ZNF227: variants seen among roughly 807,000 people sequenced by gnomAD.
ZNF227 encodes the protein zinc finger protein 227.
A neutral mutation model predicts 13.2 loss-of-function variants in ZNF227; 12 were observed. That is an observed-to-expected ratio of 0.91 (90% CI 0.58 to 1.47). The LOEUF is 1.47. Among genes scored for constraint, ZNF227 ranks in the 40% most tolerant of loss-of-function variants. ZNF227 has a pLI of 0.00. For missense variants in ZNF227, 885 were observed against 967.5 expected (o/e 0.91, Z 1.13); for synonymous variants, 338 against 326.0 (o/e 1.04, Z -0.40).
At chr19:44,229,914 C>CCAGGTGAAAGA in intron 5 of ZNF227, 98 bp downstream of exon 5, 1 of 734,824 alleles carries the variant, frequency 1.4e-6, no homozygotes, top group Non-Finnish European at 2.0e-6. Flanking sequence ...GTGTTAAAAT[C>CCAGGTGAAAGA]TTTCACCTGG....
rs576621281 is a variant in ZNF227, at chr19:44,236,892, A to G, written c.*62A>G. 9 of 1,397,500 alleles carry G rather than the reference A, an allele frequency of 6.4e-6. No individual in the cohort carries two copies. The highest frequency in any genetic ancestry group is 1.4e-5 in the African/African-American group (1 of 69,388). The allele number at this position is 1,397,500 out of a possible 1,614,324, so 86.6% of individuals were successfully genotyped here. On this transcript the variant is annotated 3_prime_UTR_variant, in exon 6 of 6. Coordinates refer to ENST00000313040, the MANE Select transcript of ZNF227 (RefSeq NM_182490.3). ...ACATCTTCAAGTTTTTGGCTAGTCC[A>G]TGCTGGTGGTAAACCCTGTAAAACT...
chr19:44,211,552 G>A (rs1401698810), upstream of ZNF227, among the ~76,000 whole-genome samples: 1 of 152,206 alleles, frequency 6.6e-6, no homozygotes, highest in Non-Finnish European at 1.5e-5. Flanking sequence ...GAAACTCCTT[G>A]AGGAATGATT....
chr19:44,221,908 A>C (rs542017049), intron 3 of ZNF227, among the ~76,000 whole-genome samples: 2,545 of 152,282 alleles, frequency 0.017, 33 homozygotes, highest in Non-Finnish European at 0.028. Flanking sequence ...CTAATGTTTA[A>C]GTCTTTAATC....
Position 44,235,027 on chromosome 19 carries a change from T to G in ZNF227, c.597T>G (p.Asn199Lys). Residue 199 changes from asparagine (N) to lysine (K), a missense_variant, in exon 6 of 6, where the codon AAT (asparagine) becomes AAG (lysine). Asn to Lys is a moderately conservative substitution (Grantham distance 94). Coordinates refer to ENST00000313040, the MANE Select transcript of ZNF227 (RefSeq NM_182490.3). ...QSRGKQIDVK[N>K]NLQIHEDFMK... Reference sequence around the variant, plus strand: ...GAGGTAAGCAAATTGATGTGAAAAATAACCTGCAAATACATGAAGACTTCA... The same window carrying G: ...GAGGTAAGCAAATTGATGTGAAAAAGAACCTGCAAATACATGAAGACTTCA... 6.2e-7 allele frequency: 1 copy of G among 1,614,050 alleles called. No homozygotes were observed. Among genetic ancestry groups the G allele is most frequent in the Non-Finnish European group, 8.5e-7 (1 of 1,180,016 alleles).
intron 5 of ZNF227, among the ~76,000 whole-genome samples, chr19:44,230,926 A>AATATATATATATAT (rs58952117): frequency 2.3e-4 from 16 of 68,104 alleles, no homozygotes; most frequent in African/African-American, 1.6e-3. Context: ...AAAAAAAAAA[A>AATATATATATATAT]ATATATATAT....
At chr19:44,217,352 T>C (rs1295591854) in intron 2 of ZNF227, 1 of 447,890 alleles carries the variant, frequency 2.2e-6, no homozygotes, top group Non-Finnish European at 4.5e-6. Flanking sequence ...ATCTACTTAT[T>C]TAATCCTTGG....
intron 2 of ZNF227, among the ~76,000 whole-genome samples, chr19:44,215,634 A>G (rs890845578): frequency 1.4e-4 from 22 of 151,926 alleles, no homozygotes; most frequent in Non-Finnish European, 1.0e-4. Context: ...TTCTTAGCAA[A>G]TACTAAACTT....
At chr19:44,229,142 C>T (rs930856978) in intron 4 of ZNF227, 1 of 152,828 alleles carries the variant, frequency 6.5e-6, no homozygotes, top group Non-Finnish European at 1.5e-5. Flanking sequence ...GAACTGCTCA[C>T]ATTGCAACAA....
rs1307299647 is a variant in ZNF227, at chr19:44,235,733, C to T, written c.1303C>T (p.Pro435Ser). 2.5e-6 allele frequency: 4 copies of T among 1,614,040 alleles called. No individual in the cohort carries two copies. Among genetic ancestry groups the T allele is most frequent in the Non-Finnish European group, 1.7e-6 (2 of 1,180,012 alleles). The stretch of plus-strand genomic sequence containing the variant: ...TCAGAGAGTCCACACTGGAGAGAAA[C>T]CCTACAAGTGTGATGTGTGTGGTAA... ...IHQRVHTGEK[P>S]YKCDVCGKGF... The change falls in exon 6 of 6, where the codon CCC becomes TCC. Residue 435 changes from proline (P) to serine (S), a missense_variant. Physicochemically the swap from Pro to Ser is moderately conservative, Grantham distance 74. Coordinates refer to ENST00000313040, the MANE Select transcript of ZNF227 (RefSeq NM_182490.3).
At position 44,228,890 on chromosome 19, in the gene ZNF227, C is replaced by T. The variant is rs1973480667; in HGVS notation, c.187+318C>T. The T allele has an allele frequency of 7.6e-6, 3 of 395,512 alleles. No homozygotes were observed. In the Admixed American group the frequency reaches 1.3e-4, roughly 17 times the overall value. 24.5% of individuals were successfully genotyped at this position (395,512 alleles called of 1,614,324 possible). On this transcript the variant is annotated intron_variant, in intron 4 of 5. Coordinates refer to ENST00000313040, the MANE Select transcript of ZNF227 (RefSeq NM_182490.3). Reference sequence around the variant, plus strand: ...AGTATCCAGGAATTCTGCAAAATCTCCTACAGTGCACAGGACAGTGCCCCC... The same window carrying T: ...AGTATCCAGGAATTCTGCAAAATCTTCTACAGTGCACAGGACAGTGCCCCC...
rs549553087 is a variant in ZNF227, at chr19:44,226,483, C to T, written c.61-1963C>T. 3.4e-3 allele frequency among the ~76,000 whole-genome samples: 511 copies of T among 152,330 alleles called. 3 individuals are homozygous for T. The highest frequency in any genetic ancestry group is 0.011 in the African/African-American group (469 of 41,582). ...CTAATCAAGCCTGGGCAATGGCAGGCGCCCTCCCCCAGCCTCGCTGCCTCC... is the reference window on the plus strand; with the variant it reads ...CTAATCAAGCCTGGGCAATGGCAGGTGCCCTCCCCCAGCCTCGCTGCCTCC... On this transcript the variant is annotated intron_variant, in intron 3 of 5. Transcript: ENST00000313040.
At chr19:44,224,996 G>A (rs1404135244) in intron 3 of ZNF227, among the ~76,000 whole-genome samples, 1 of 151,994 alleles carries the variant, frequency 6.6e-6, no homozygotes, top group Non-Finnish European at 1.5e-5. Flanking sequence ...TTGCTTGTCT[G>A]TAAAGTATTT....
chr19:44,225,091 T>C (rs551027114), intron 3 of ZNF227, among the ~76,000 whole-genome samples: 1 of 152,156 alleles, frequency 6.6e-6, no homozygotes, highest in East Asian at 1.9e-4. Context: ...TGTTGAATAT[T>C]GGCCCCCACT....
chr19:44,216,437 G>A (rs891670864), intron 2 of ZNF227, among the ~76,000 whole-genome samples: 4 of 151,822 alleles, frequency 2.6e-5, no homozygotes, highest in African/African-American at 7.3e-5. Context: ...CTTTATGTTC[G>A]TTTAGTCTTT....
intron 2 of ZNF227, among the ~76,000 whole-genome samples, chr19:44,214,832 C>T (rs1168728755): frequency 6.6e-5 from 10 of 151,490 alleles, no homozygotes; most frequent in South Asian, 2.1e-4. Flanking sequence ...AGCAGGAGTC[C>T]CAACTTCTGG....
In ZNF227 at chr19:44,234,936, T is replaced by G. The variant is rs993993999; in HGVS notation, c.506T>G (p.Phe169Cys). The G allele has an allele frequency of 6.2e-7, 1 of 1,613,596 alleles. No individual in the cohort carries two copies. Among genetic ancestry groups the G allele is most frequent in the Non-Finnish European group, 8.5e-7 (1 of 1,179,918 alleles). ...DSSIYIENQE[F>C]PFWRTQHSCG... ...TCTATTTATATTGAAAATCAAGAGT[T>G]TCCATTTTGGAGAACCCAGCATTCT... The change falls in exon 6 of 6, where the codon TTT (phenylalanine) becomes TGT (cysteine). Residue 169 changes from phenylalanine (F) to cysteine (C), a missense_variant. Transcript: ENST00000313040.
intron 3 of ZNF227, among the ~76,000 whole-genome samples, chr19:44,227,898 G>A (rs145119580): frequency 6.6e-6 from 1 of 152,214 alleles, no homozygotes; most frequent in Non-Finnish European, 1.5e-5. Flanking sequence ...ACCTGTCCAG[G>A]GGGTTGCTGA....
rs933641893 is a variant in ZNF227 at position 44,231,114 on chromosome 19, A to AT, written c.271+1312dup. Reference sequence around the variant, plus strand: ...AATTAGATATTCCTAGATGATGTGAATTTTTTTTTTTTTTGAGACCGAGTC... The same window carrying AT: ...AATTAGATATTCCTAGATGATGTGAATTTTTTTTTTTTTTTGAGACCGAGTC... On this transcript the variant is annotated intron_variant, in intron 5 of 5. Coordinates refer to ENST00000313040, the MANE Select transcript of ZNF227 (RefSeq NM_182490.3). 3.6e-3 allele frequency among the ~76,000 whole-genome samples: 507 copies of AT among 141,930 alleles called. 2 individuals carry two copies. The highest frequency in any genetic ancestry group is 7.3e-3 in the Admixed American group (102 of 14,036). The allele number at this position is 141,930 out of a possible 152,430, so 93.1% of individuals were successfully genotyped here.
chr19:44,214,286 C>A (rs969762301), intron 2 of ZNF227, among the ~76,000 whole-genome samples: 2 of 151,894 alleles, frequency 1.3e-5, no homozygotes, highest in African/African-American at 4.8e-5. Flanking sequence ...TAATGTGTTT[C>A]CCTTTAGTAT....
Sources: gnomAD v4.1 joint callset for allele counts (sites outside exome capture counted in the v4.1 genomes callset) on GRCh38, gnomAD v4.1.1 for gene constraint, MANE v1.5 for transcripts, NCBI Gene and HGNC (gene_info 2026-07-23, HGNC 2026-07-21) for gene names.